CATSPERT: variants seen among roughly 807,000 people sequenced by gnomAD.
CATSPERT encodes cation channel sperm-associated targeting subunit tau.
the CATSPERT span, chr2:201,555,992 C>T: frequency 6.6e-6 from 1 of 152,168 alleles, no homozygotes; most frequent in Non-Finnish European, 1.5e-5. Context: ...TATACATCTA[C>T]CTCTGCTACT....
At chr2:201,528,252 CA>C in the CATSPERT span, among the ~76,000 whole-genome samples, 6 of 152,074 alleles carry the variant, frequency 3.9e-5, no homozygotes, top group South Asian at 1.2e-3. Flanking sequence ...ATTAAAAAGT[CA>C]AAAAACAATA....
At chr2:201,600,630 T>C in the CATSPERT span, among the ~76,000 whole-genome samples, 1 of 152,094 alleles carries the variant, frequency 6.6e-6, no homozygotes, top group South Asian at 2.1e-4. Flanking sequence ...CTTAAACAGA[T>C]AAAGTCTGAA....
At chr2:201,612,487 T>C in the CATSPERT span, among the ~76,000 whole-genome samples, 8 of 148,010 alleles carry the variant, frequency 5.4e-5, no homozygotes, top group African/African-American at 2.0e-4. Context: ...GGCAGGAGAA[T>C]CACTTGAACC....
chr2:201,568,761 G>C, the CATSPERT span, among the ~76,000 whole-genome samples: 57 of 152,184 alleles, frequency 3.7e-4, no homozygotes, highest in Admixed American at 2.0e-4. Context: ...TACTTTCATA[G>C]ATGGAGGGAG....
the CATSPERT span, among the ~76,000 whole-genome samples, chr2:201,505,442 T>A: frequency 6.6e-6 from 1 of 152,238 alleles, no homozygotes; most frequent in Non-Finnish European, 1.5e-5. Context: ...AGTGTCATCC[T>A]GTGCTATCAT....
the CATSPERT span, among the ~76,000 whole-genome samples, chr2:201,593,482 T>A: frequency 7.0e-6 from 1 of 143,864 alleles, no homozygotes; most frequent in Non-Finnish European, 1.5e-5. Context: ...GAGAGTTCTG[T>A]AGATGTCTAT....
the CATSPERT span, chr2:201,494,854 G>A: frequency 1.6e-6 from 2 of 1,271,146 alleles, no homozygotes; most frequent in Non-Finnish European, 2.1e-6. Flanking sequence ...ATCTGTCAAT[G>A]TATCTATTCA....
At chr2:201,599,211 C>T in the CATSPERT span, among the ~76,000 whole-genome samples, 1 of 152,154 alleles carries the variant, frequency 6.6e-6, no homozygotes, top group East Asian at 1.9e-4. Flanking sequence ...AGTCATACTT[C>T]TGTAAGTTAA....
chr2:201,583,568 CTT>C, the CATSPERT span, among the ~76,000 whole-genome samples: 1 of 152,098 alleles, frequency 6.6e-6, no homozygotes, highest in African/African-American at 2.4e-5. Context: ...AACAGGACGA[CTT>C]ATATTTTTTA....
the CATSPERT span, among the ~76,000 whole-genome samples, chr2:201,612,233 T>C: frequency 1.3e-5 from 2 of 152,052 alleles, no homozygotes; most frequent in African/African-American, 4.8e-5. Flanking sequence ...GTCCCACAGG[T>C]CAACTCTTTC....
chr2:201,564,061 C>T, the CATSPERT span, among the ~76,000 whole-genome samples: 191 of 152,294 alleles, frequency 1.3e-3, no homozygotes, highest in African/African-American at 4.4e-3. Flanking sequence ...GGAAAACACC[C>T]GGTTGGGACC....
the CATSPERT span, among the ~76,000 whole-genome samples, chr2:201,615,772 G>A: frequency 2.0e-5 from 3 of 152,188 alleles, no homozygotes; most frequent in African/African-American, 7.2e-5. Flanking sequence ...CCAGGAGCTG[G>A]TTTTCTGAAA....
At chr2:201,596,098 T>C in the CATSPERT span, among the ~76,000 whole-genome samples, 1 of 152,102 alleles carries the variant, frequency 6.6e-6, no homozygotes, top group African/African-American at 2.4e-5. Flanking sequence ...AGAATATGAA[T>C]TGTTCTGTTA....
the CATSPERT span, among the ~76,000 whole-genome samples, chr2:201,573,023 A>G: frequency 1.3e-5 from 2 of 152,332 alleles, no homozygotes; most frequent in East Asian, 3.9e-4. Flanking sequence ...TTTCCCCTAT[A>G]TAACAGCAGC....
chr2:201,519,480 G>A, the CATSPERT span, among the ~76,000 whole-genome samples: 6 of 151,392 alleles, frequency 4.0e-5, no homozygotes, highest in African/African-American at 1.2e-4. Context: ...TGACACAAAG[G>A]AACACGATAA....
At chr2:201,590,390 C>G in the CATSPERT span, among the ~76,000 whole-genome samples, 71 of 151,824 alleles carry the variant, frequency 4.7e-4, no homozygotes, top group East Asian at 4.3e-3. Context: ...TATCATTGTT[C>G]GACATTTGGG....
chr2:201,574,020 A>C, the CATSPERT span, among the ~76,000 whole-genome samples: 1 of 152,256 alleles, frequency 6.6e-6, no homozygotes, highest in African/African-American at 2.4e-5. Flanking sequence ...ATGTATAAAC[A>C]AATCATAGTA....
chr2:201,512,492 A>G, the CATSPERT span, among the ~76,000 whole-genome samples: 1 of 152,242 alleles, frequency 6.6e-6, no homozygotes, highest in Non-Finnish European at 1.5e-5. Flanking sequence ...TTCATTTTTT[A>G]TAATTTTGTC....
the CATSPERT span, among the ~76,000 whole-genome samples, chr2:201,503,499 A>T: frequency 4.6e-4 from 70 of 152,274 alleles, 1 homozygote; most frequent in East Asian, 0.013. Flanking sequence ...GGCTCAAGTG[A>T]TCCTACTGCC....
Sources: allele counts gnomAD v4.1 joint callset (sites outside exome capture counted in the v4.1 genomes callset), GRCh38; gene constraint gnomAD v4.1.1; transcripts MANE v1.5; gene names NCBI Gene and HGNC (gene_info 2026-07-23, HGNC 2026-07-21).